Variants in SNX30 observed in about 807,000 individuals in gnomAD.
SNX30 encodes the protein sorting nexin family member 30, also known as sorting nexin-30.
A neutral mutation model predicts 46.4 loss-of-function variants in SNX30; 24 were observed. The ratio of observed to expected loss-of-function variants is 0.52; its 90% CI spans 0.37 to 0.73. SNX30 has a LOEUF of 0.73. SNX30 is among the 30% of genes least tolerant of loss of function. SNX30 has a pLI of 0.00. For missense variants in SNX30, 533 were observed against 555.7 expected, an observed-to-expected ratio of 0.96 and a Z score of 0.41; for synonymous variants, 189 against 211.5, an observed-to-expected ratio of 0.89 and a Z score of 0.92.
intron 1 of SNX30, among the ~76,000 whole-genome samples, chr9:112,783,256 TG>T (rs1425714309): frequency 6.6e-6 from 1 of 152,190 alleles, no homozygotes; most frequent in Non-Finnish European, 1.5e-5. Flanking sequence ...GTCTCCAGGC[TG>T]GGTTGTGCCT....
intron 1 of SNX30, among the ~76,000 whole-genome samples, chr9:112,762,062 AAAC>A (rs1839444393): frequency 6.6e-6 from 1 of 152,176 alleles, no homozygotes; most frequent in Admixed American, 6.5e-5. Context: ...ATAAGTACAT[AAAC>A]AACAGCCTGG....
intron 1 of SNX30, among the ~76,000 whole-genome samples, chr9:112,766,437 T>G (rs1430747005): frequency 6.6e-6 from 1 of 152,248 alleles, no homozygotes; most frequent in Non-Finnish European, 1.5e-5. Flanking sequence ...AATGGTAATT[T>G]TAGATATGAA....
chr9:112,753,682 C>A (rs1236318931), intron 1 of SNX30, among the ~76,000 whole-genome samples: 2 of 152,164 alleles, frequency 1.3e-5, no homozygotes, highest in Non-Finnish European at 2.9e-5. Flanking sequence ...TGTGCCTGGC[C>A]TAATTATTGA....
intron 1 of SNX30, among the ~76,000 whole-genome samples, chr9:112,804,462 GC>G (rs1840192514): frequency 6.6e-6 from 1 of 152,212 alleles, no homozygotes; most frequent in Non-Finnish European, 1.5e-5. Flanking sequence ...ACTGCGCCCA[GC>G]CCCTTGTTGA....
At chr9:112,856,512 G>A (rs748679154) in intron 7 of SNX30, among the ~76,000 whole-genome samples, 13 of 151,896 alleles carry the variant, frequency 8.6e-5, no homozygotes, top group East Asian at 1.9e-4. Flanking sequence ...GAGGTGTGTC[G>A]TGTGGAGGTG....
chr9:112,794,136 A>G (rs1485554383), intron 1 of SNX30, among the ~76,000 whole-genome samples: 2 of 152,172 alleles, frequency 1.3e-5, no homozygotes, highest in African/African-American at 4.8e-5. Context: ...CAGTTTGTAT[A>G]GAACACATTC....
intron 7 of SNX30, among the ~76,000 whole-genome samples, chr9:112,855,843 C>T (rs1477293353): frequency 6.6e-6 from 1 of 152,168 alleles, no homozygotes; most frequent in Non-Finnish European, 1.5e-5. Context: ...CAGGGGCTGG[C>T]TGCCTTCTCC....
chr9:112,849,377 C>T (rs577586876), intron 6 of SNX30, among the ~76,000 whole-genome samples: 8 of 152,254 alleles, frequency 5.3e-5, no homozygotes, highest in African/African-American at 1.9e-4. Context: ...AAATCCAGTT[C>T]CCCAGTCCTG....
intron 2 of SNX30, among the ~76,000 whole-genome samples, chr9:112,807,048 CTATCTTTTTT>C (rs1840236157): frequency 6.3e-5 from 6 of 94,788 alleles, no homozygotes; most frequent in Non-Finnish European, 8.6e-5. Context: ...CTTTTCTTTT[CTATCTTTTTT>C]TTTTTTTTTT....
chr9:112,821,000 G>T (rs1211621112), intron 3 of SNX30, among the ~76,000 whole-genome samples: 2 of 152,122 alleles, frequency 1.3e-5, no homozygotes. Flanking sequence ...TCATGTACAA[G>T]TTTTTCTGTG....
chr9:112,764,699 A>C (rs533925451), intron 1 of SNX30, among the ~76,000 whole-genome samples: 58 of 152,246 alleles, frequency 3.8e-4, no homozygotes, highest in Admixed American at 9.2e-4. Context: ...TGGGGGAGGC[A>C]GTTTCAGTAG....
chr9:112,868,635 T>A (rs1465617048), intron 8 of SNX30, 149 bp from the exon 9 acceptor site: 13 of 746,500 alleles, frequency 1.7e-5, no homozygotes, highest in Non-Finnish European at 3.0e-5. Flanking sequence ...CCTCCCCGTT[T>A]GTAATAGTTA....
chr9:112,787,157 T>G (rs929417948), intron 1 of SNX30, among the ~76,000 whole-genome samples: 1 of 152,184 alleles, frequency 6.6e-6, no homozygotes, highest in African/African-American at 2.4e-5. Flanking sequence ...GTGTGGAAAC[T>G]GTGTCTCAGG....
rs796957269 is a variant in SNX30, at chr9:112,821,431, GTTTGTATATA to G, written c.459+3618_459+3627del. On this transcript the variant is annotated intron_variant, in intron 3 of 8. Coordinates refer to ENST00000374232, the MANE Select transcript of SNX30 (RefSeq NM_001012994.2). The stretch of plus-strand genomic sequence containing the variant: ...TATATGTGTGTATATATATATGTGT[GTTTGTATATA>G]TGTGTATATATGTGTGTGTGTATAT... Among the ~76,000 whole-genome samples, 18 of 150,928 alleles carry G rather than the reference GTTTGTATATA, an allele frequency of 1.2e-4. No individual in the cohort carries two copies. In the East Asian group the frequency reaches 1.7e-3, roughly 15 times the overall value.
intron 2 of SNX30, among the ~76,000 whole-genome samples, chr9:112,815,527 A>G (rs556129227): frequency 4.6e-5 from 7 of 152,084 alleles, no homozygotes; most frequent in African/African-American, 1.4e-4. Flanking sequence ...CAACTGGCTA[A>G]TTTTTGTATT....
At chr9:112,868,641 A>T (rs1378222613) in intron 8 of SNX30, 143 bp from the exon 9 acceptor site, 1 of 775,958 alleles carries the variant, frequency 1.3e-6, no homozygotes, top group African/African-American at 1.7e-5. Flanking sequence ...CGTTTGTAAT[A>T]GTTATGGATG....
chr9:112,872,407 T>C lies in SNX30; in HGVS notation c.*3564T>C, dbSNP rs1841460823. On this transcript the variant is annotated 3_prime_UTR_variant, in exon 9 of 9. Transcript: ENST00000374232. ...TTGGGCTCTGTTTTGACACCATTCATTGGACTGCGGGACAGTCATTCTTTA... is the reference window on the plus strand; with the variant it reads ...TTGGGCTCTGTTTTGACACCATTCACTGGACTGCGGGACAGTCATTCTTTA... 1 of 152,278 alleles carries C rather than the reference T, an allele frequency of 6.6e-6. No homozygotes were observed. The allele number at this position is 152,278 out of a possible 1,614,324, so 9.4% of individuals were successfully genotyped here.
chr9:112,804,749 T>C, intron 1 of SNX30, 27 bp from the exon 2 acceptor site: 1 of 1,577,866 alleles, frequency 6.3e-7, no homozygotes, highest in Middle Eastern at 1.7e-4. Context: ...TTTCATTTAA[T>C]TTTAAGGTGC....
At position 112,864,249 on chromosome 9, in the gene SNX30, A is replaced by G. The variant is rs2131505570; in HGVS notation, c.1104A>G (p.Val368=). ...VALRKEDRPK[V]PADVEKCQDR... is the part of the protein sequence containing the mutation. ...CCATGTGTGCCTCCCTTTTCCAGGT[A>G]CCGGCGGACGTCGAGAAATGTCAGG... The change falls in exon 8 of 9, where the codon GTA becomes GTG. Residue 368 remains valine (V), a splice_region_variant and synonymous_variant. Coordinates refer to ENST00000374232, the MANE Select transcript of SNX30 (RefSeq NM_001012994.2). 1 of 1,613,840 alleles carries G rather than the reference A, an allele frequency of 6.2e-7. No homozygotes were observed. The highest frequency in any genetic ancestry group is 8.5e-7 in the Non-Finnish European group (1 of 1,179,948).
Sources: allele counts gnomAD v4.1 joint callset (sites outside exome capture counted in the v4.1 genomes callset), GRCh38; gene constraint gnomAD v4.1.1; transcripts MANE v1.5; gene names NCBI Gene and HGNC (gene_info 2026-07-23, HGNC 2026-07-21).